PTPRA: variants seen among roughly 807,000 people sequenced by gnomAD.
The protein encoded by PTPRA is protein tyrosine phosphatase receptor type A, also known as receptor-type tyrosine-protein phosphatase alpha.
A neutral mutation model predicts 104.8 loss-of-function variants in PTPRA; 25 were observed. That is an observed-to-expected ratio of 0.24 (90% CI 0.17 to 0.33). PTPRA has a LOEUF of 0.33. Among genes scored for constraint, PTPRA ranks in the 10% least tolerant of loss-of-function variants. The probability of loss-of-function intolerance (pLI) is 1.00; values close to 1 mark genes in which losing one functional copy is unlikely to be tolerated. For synonymous variants in PTPRA, 323 were observed against 368.9 expected, an observed-to-expected ratio of 0.88 and a Z score of 1.43; for missense variants, 765 against 1,015.3, an observed-to-expected ratio of 0.75 and a Z score of 3.35.
chr20:2,976,433 C>G (rs1011158542), intron 6 of PTPRA, among the ~76,000 whole-genome samples: 2 of 152,224 alleles, frequency 1.3e-5, no homozygotes, highest in African/African-American at 4.8e-5. Flanking sequence ...TCAGCCTTTT[C>G]TTGCCCCAGA....
intron 6 of PTPRA, among the ~76,000 whole-genome samples, chr20:2,982,288 C>A (rs893272070): frequency 2.6e-5 from 4 of 151,946 alleles, no homozygotes; most frequent in African/African-American, 9.7e-5. Context: ...GGGGTTTCAC[C>A]ATATTGGCCA....
At chr20:2,962,331 T>G (rs1483099498) in intron 3 of PTPRA, among the ~76,000 whole-genome samples, 1 of 152,212 alleles carries the variant, frequency 6.6e-6, no homozygotes, top group African/African-American at 2.4e-5. Context: ...GCTTAGAAAG[T>G]TTTTCCTCAT....
At chr20:2,939,070 G>T (rs191561088) in intron 2 of PTPRA, among the ~76,000 whole-genome samples, 1 of 152,112 alleles carries the variant, frequency 6.6e-6, no homozygotes, top group African/African-American at 2.4e-5. Flanking sequence ...CACTTTTGTC[G>T]ACTGTGGTTC....
At chr20:2,884,822 T>A (rs1354158499) in intron 1 of PTPRA, among the ~76,000 whole-genome samples, 1 of 150,876 alleles carries the variant, frequency 6.6e-6, no homozygotes, top group Non-Finnish European at 1.5e-5. Flanking sequence ...GTTTTTTTTT[T>A]TTTTTGAGAC....
rs1175386205 is a variant in PTPRA at position 3,038,356 on chromosome 20, T to C, written c.*223T>C. On this transcript the variant is annotated 3_prime_UTR_variant, in exon 24 of 24. Transcript: ENST00000399903. ...GGAATTAAATAGTGTGATGTTTGGA[T>C]TGATATCGTGAAATCCTCAGCCGAG... is the stretch of plus-strand genomic sequence containing the variant. 1 of 457,850 alleles carries C rather than the reference T, an allele frequency of 2.2e-6. No homozygotes were observed. The highest frequency in any genetic ancestry group is 3.9e-6 in the Non-Finnish European group (1 of 257,160). 28.4% of individuals were successfully genotyped at this position (457,850 alleles called of 1,614,324 possible).
chr20:2,963,887 A>G (rs897818904), intron 3 of PTPRA, among the ~76,000 whole-genome samples: 1 of 152,040 alleles, frequency 6.6e-6, no homozygotes, highest in Non-Finnish European at 1.5e-5. Context: ...GAAAATTTTA[A>G]AAATTAGCCA....
upstream of PTPRA, among the ~76,000 whole-genome samples, chr20:2,873,134 G>C (rs1414350223): frequency 6.6e-6 from 1 of 152,218 alleles, no homozygotes; most frequent in Non-Finnish European, 1.5e-5. This position sits in a 1 kb window ranked among gnomAD's most constrained non-coding sequence, Gnocchi z 4.4. Context: ...GGCCGCCCTG[G>C]TGGCTAGACA....
chr20:2,940,910 A>G (rs2060888112), intron 2 of PTPRA, among the ~76,000 whole-genome samples: 1 of 151,972 alleles, frequency 6.6e-6, no homozygotes. Flanking sequence ...AGTGATACTG[A>G]TATTTCAAGA....
chr20:3,030,923 G>A (rs1369015465), intron 20 of PTPRA, among the ~76,000 whole-genome samples: 3 of 151,844 alleles, frequency 2.0e-5, no homozygotes, highest in Admixed American at 6.6e-5. Context: ...CAAGTGATCC[G>A]CCCGCCTTAG....
chr20:2,909,848 G>C (rs2059570997), intron 1 of PTPRA, among the ~76,000 whole-genome samples: 1 of 119,398 alleles, frequency 8.4e-6, no homozygotes, highest in Non-Finnish European at 1.6e-5. Flanking sequence ...TATAATATAA[G>C]ATAATATATA....
chr20:3,026,508 CCAAA>C (rs2065152786), intron 17 of PTPRA, among the ~76,000 whole-genome samples, 175 bp from the exon 18 acceptor site: 1 of 152,146 alleles, frequency 6.6e-6, no homozygotes, highest in South Asian at 2.1e-4. Context: ...GTAGCATTTC[CCAAA>C]CAGTCTCTTG....
chr20:3,010,961 C>T (rs2064144112), intron 11 of PTPRA, among the ~76,000 whole-genome samples: 1 of 152,254 alleles, frequency 6.6e-6, no homozygotes, highest in Non-Finnish European at 1.5e-5. Flanking sequence ...TAGTAACCAG[C>T]AGCATCTGCC....
chr20:2,864,308 C>T, the PTPRA span: 157 of 1,613,810 alleles, frequency 9.7e-5, no homozygotes, highest in Non-Finnish European at 1.2e-4. The surrounding 1 kb of genome is among the most constrained non-coding windows in gnomAD (Gnocchi z 5.2). Flanking sequence ...GGCTGGGGGG[C>T]CCCTGGGCTA....
chr20:3,014,504 C>A (rs545358480), intron 11 of PTPRA, among the ~76,000 whole-genome samples: 1 of 152,120 alleles, frequency 6.6e-6, no homozygotes, highest in South Asian at 2.1e-4. Context: ...ATTAGCCGGC[C>A]GTGATGGCTC....
chr20:2,925,496 G>C lies in PTPRA; in HGVS notation c.-50+2211G>C, dbSNP rs148118267. ...ACACTTGGGCTGCTTCCACCTTTTGGCTGTTGTGACTAATGGTGCTATGAA... is the reference window on the plus strand; with the variant it reads ...ACACTTGGGCTGCTTCCACCTTTTGCCTGTTGTGACTAATGGTGCTATGAA... On this transcript the variant is annotated intron_variant, in intron 2 of 23. Coordinates refer to ENST00000399903, the MANE Select transcript of PTPRA (RefSeq NM_001385305.1). 3.8e-3 allele frequency among the ~76,000 whole-genome samples: 581 copies of C among 152,148 alleles called. 7 individuals carry two copies. The highest frequency in any genetic ancestry group is 0.013 in the African/African-American group (534 of 41,508).
chr20:2,873,098 G>T (rs1000771983), upstream of PTPRA, among the ~76,000 whole-genome samples: 8 of 152,194 alleles, frequency 5.3e-5, no homozygotes, highest in Non-Finnish European at 7.3e-5. The surrounding 1 kb of genome is among the most constrained non-coding windows in gnomAD (Gnocchi z 4.4). Context: ...TTTGGAGAGG[G>T]TTAGGAAGAT....
At chr20:2,929,584 G>A (rs775757414) in intron 2 of PTPRA, among the ~76,000 whole-genome samples, 1 of 152,244 alleles carries the variant, frequency 6.6e-6, no homozygotes, top group East Asian at 1.9e-4. Flanking sequence ...TAGTACTTTG[G>A]GTGGCTGAGG....
intron 3 of PTPRA, among the ~76,000 whole-genome samples, chr20:2,949,983 G>A (rs913942618): frequency 1.3e-5 from 2 of 151,968 alleles, no homozygotes; most frequent in Non-Finnish European, 1.5e-5. Context: ...TTGATACTTT[G>A]TTATGATTTT....
Position 2,978,053 on chromosome 20 carries a change from T to C in PTPRA, c.442+2812T>C, listed in dbSNP as rs182906594. 3.2e-3 allele frequency among the ~76,000 whole-genome samples: 485 copies of C among 152,116 alleles called. 5 individuals carry two copies. The highest frequency in any genetic ancestry group is 0.011 in the African/African-American group (470 of 41,468). ...CAAAGAGACATGAAAGAGTAAGTCATGTGTTTGAGGATCTGTGCGCAGTTG... is the reference window on the plus strand; with the variant it reads ...CAAAGAGACATGAAAGAGTAAGTCACGTGTTTGAGGATCTGTGCGCAGTTG... On this transcript the variant is annotated intron_variant, in intron 6 of 23. Transcript: ENST00000399903.
Sources: allele counts gnomAD v4.1 joint callset (sites outside exome capture counted in the v4.1 genomes callset), GRCh38; gene constraint gnomAD v4.1.1; non-coding constraint Gnocchi (gnomAD v3.1); transcripts MANE v1.5; gene names NCBI Gene and HGNC (gene_info 2026-07-23, HGNC 2026-07-21).